Variants in RBM33 observed in about 807,000 individuals in gnomAD.
RBM33 encodes RNA-binding protein 33.
RBM33 carries 28 observed loss-of-function variants against 132.6 expected under a neutral mutation model. That is an observed-to-expected ratio of 0.21 (90% CI 0.16 to 0.29). The LOEUF is 0.29. Ranked by LOEUF, RBM33 falls within the 10% of genes least tolerant of loss-of-function variation. The pLI is 1.00. For missense variants in RBM33, 1,291 were observed against 1,518.5 expected, an observed-to-expected ratio of 0.85 and a Z score of 2.49; for synonymous variants, 634 against 593.0, an observed-to-expected ratio of 1.07 and a Z score of -1.01.
At position 155,766,497 on chromosome 7, in the gene RBM33, G is replaced by T; in HGVS notation, c.3217G>T (p.Ala1073Ser). ...CATGCACGGACGAGGCAGAGGAGTG[G>T]CCGGTCCCATGGGCCGGGGGCGCCT... ...AIMHGRGRGVAGPMGRGRLMP... is the reference protein window; with the variant it reads ...AIMHGRGRGVSGPMGRGRLMP... Residue 1073 changes from alanine (A) to serine (S), a missense_variant, in exon 16 of 18, where the codon GCC becomes TCC. Physicochemically the swap from Ala to Ser is moderately conservative, Grantham distance 99. This residue lies in a region of RBM33 where 841 missense variants were observed against 912.0 expected (regional missense o/e 0.92). Transcript: ENST00000401878. The T allele has an allele frequency of 6.2e-7, 1 of 1,613,732 alleles. No homozygotes were observed. Among genetic ancestry groups the T allele is most frequent in the Non-Finnish European group, 8.5e-7 (1 of 1,179,846 alleles).
intron 2 of RBM33, among the ~76,000 whole-genome samples, chr7:155,669,035 G>C (rs1798874440): frequency 6.6e-6 from 1 of 152,128 alleles, no homozygotes; most frequent in Admixed American, 6.5e-5. Flanking sequence ...TATTGTTTGT[G>C]AACGAGCTCT....
intron 1 of RBM33, among the ~76,000 whole-genome samples, chr7:155,652,422 T>C (rs987646749): frequency 3.3e-5 from 5 of 152,234 alleles, no homozygotes; most frequent in Non-Finnish European, 7.3e-5. Context: ...TGGCAGGCCC[T>C]ACTTGGCCCA....
chr7:155,700,681 T>A, intron 5 of RBM33, 92 bp from the exon 6 acceptor site: 1 of 945,892 alleles, frequency 1.1e-6, no homozygotes, highest in South Asian at 1.8e-5. Context: ...ATCTGAAATA[T>A]AAACAATTAA....
chr7:155,710,967 G>A (rs115464143), intron 7 of RBM33, among the ~76,000 whole-genome samples: 18 of 150,550 alleles, frequency 1.2e-4, no homozygotes, highest in Middle Eastern at 3.4e-3. Flanking sequence ...TCCCTCTTGC[G>A]TGGGGATTGA....
At position 155,739,879 on chromosome 7, in the gene RBM33, GCACCACCACCACCAC is replaced by G. The variant is rs754177553; in HGVS notation, c.1910_1924del (p.His637_His641del). On this transcript the variant is annotated inframe_deletion, in exon 12 of 18. Transcript: ENST00000401878. The stretch of plus-strand genomic sequence containing the variant: ...CACCACAGCACCCGCCGCAGCACCA[GCACCACCACCACCAC>G]CACCACCTGTCCGTCCCGCCCCCTC... 7.4e-7 allele frequency: 1 copy of G among 1,359,624 alleles called. No individual in the cohort carries two copies. Among genetic ancestry groups the G allele is most frequent in the Non-Finnish European group, 9.8e-7 (1 of 1,024,690 alleles). 84.2% of individuals were successfully genotyped at this position (1,359,624 alleles called of 1,614,324 possible). A position where few individuals can be genotyped will look rare whatever the true frequency, so the allele number is the denominator to read the frequency against.
At position 155,677,090 on chromosome 7, in the gene RBM33, G is replaced by C. The variant is rs146796064; in HGVS notation, c.172-1518G>C. On this transcript the variant is annotated intron_variant, in intron 3 of 17. Transcript: ENST00000401878. The stretch of plus-strand genomic sequence containing the variant: ...ATTTACTGAGTTGGACAGCCAAACT[G>C]AGGTTTGTCTGTGGTAGGCCTGGCT... 2.0e-3 allele frequency among the ~76,000 whole-genome samples: 302 copies of C among 152,250 alleles called. 1 individual carries two copies. Among genetic ancestry groups the C allele is most frequent in the African/African-American group, 7.1e-3 (293 of 41,548 alleles).
intron 3 of RBM33, among the ~76,000 whole-genome samples, chr7:155,677,604 A>G (rs1424416374): frequency 6.6e-6 from 1 of 152,110 alleles, no homozygotes; most frequent in African/African-American, 2.4e-5. Context: ...ATCCTGTGTT[A>G]TTTTATTTTT....
At chr7:155,691,187 A>T (rs952678231) in intron 5 of RBM33, among the ~76,000 whole-genome samples, 1 of 151,978 alleles carries the variant, frequency 6.6e-6, no homozygotes, top group Non-Finnish European at 1.5e-5. Flanking sequence ...TTTTTTCTCT[A>T]AACTTCTCTT....
At chr7:155,708,253 G>C (rs950584728) in intron 7 of RBM33, among the ~76,000 whole-genome samples, 1 of 152,218 alleles carries the variant, frequency 6.6e-6, no homozygotes, top group African/African-American at 2.4e-5. Flanking sequence ...TTGATGATAC[G>C]AGGAACTGCT....
intron 2 of RBM33, among the ~76,000 whole-genome samples, chr7:155,667,799 T>A (rs989597021): frequency 2.6e-5 from 4 of 152,170 alleles, no homozygotes; most frequent in East Asian, 1.9e-4. Flanking sequence ...GTAATTTTTT[T>A]AAATAGCTAT....
intron 5 of RBM33, among the ~76,000 whole-genome samples, chr7:155,697,745 C>T (rs1383127711): frequency 6.6e-6 from 1 of 152,066 alleles, no homozygotes; most frequent in Non-Finnish European, 1.5e-5. Context: ...GAGTATTTTT[C>T]CCTCTTTGCT....
rs7777367 is a variant in RBM33, at chr7:155,665,320, G to A, written c.122+67G>A. 4.8e-3 allele frequency: 6,895 copies of A among 1,432,412 alleles called. 264 individuals are homozygous for A. The African/African-American group carries it at 0.084, about 17-fold the overall frequency. 88.7% of individuals were successfully genotyped at this position (1,432,412 alleles called of 1,614,324 possible). A position where few individuals can be genotyped will look rare whatever the true frequency, so the allele number is the denominator to read the frequency against. On this transcript the variant is annotated intron_variant, in intron 2 of 17. Coordinates refer to ENST00000401878, the MANE Select transcript of RBM33 (RefSeq NM_053043.3). The stretch of plus-strand genomic sequence containing the variant: ...TCTCTCATTCTGACACTTGGCTCCT[G>A]AGGGATCTTTACTGAACGCAGCACC...
chr7:155,753,275 C>T (rs1050910209), intron 14 of RBM33, among the ~76,000 whole-genome samples: 3 of 152,208 alleles, frequency 2.0e-5, no homozygotes, highest in Non-Finnish European at 4.4e-5. Context: ...TCCTGAAAGT[C>T]CTCCTTTCTA....
chr7:155,770,114 G>A (rs17837573), intron 16 of RBM33, among the ~76,000 whole-genome samples: 3,347 of 152,278 alleles, frequency 0.022, 130 homozygotes, highest in African/African-American at 0.076. Context: ...AAGGAGCAAC[G>A]CGCCCGGGAT....
At chr7:155,661,894 A>G (rs1208222981) in intron 1 of RBM33, among the ~76,000 whole-genome samples, 1 of 152,094 alleles carries the variant, frequency 6.6e-6, no homozygotes, top group African/African-American at 2.4e-5. Context: ...TCGTTGGATT[A>G]TAGGTTATAT....
At chr7:155,744,640 G>A (rs1801454832) in intron 13 of RBM33, among the ~76,000 whole-genome samples, 1 of 152,228 alleles carries the variant, frequency 6.6e-6, no homozygotes, top group South Asian at 2.1e-4. Context: ...CCTCCCTACT[G>A]CTGCCATTCC....
intron 8 of RBM33, among the ~76,000 whole-genome samples, chr7:155,713,562 C>A (rs1205794215): frequency 6.6e-6 from 1 of 152,076 alleles, no homozygotes; most frequent in South Asian, 2.1e-4. Flanking sequence ...AAGCAGGTGG[C>A]CACGGGCTGG....
intron 5 of RBM33, chr7:155,685,052 G>C: frequency 6.5e-7 from 1 of 1,548,744 alleles, no homozygotes; most frequent in Non-Finnish European, 8.7e-7. Context: ...CAACTGAAGA[G>C]GTATTTGTTC....
intron 1 of RBM33, among the ~76,000 whole-genome samples, chr7:155,657,092 T>C (rs1259793364): frequency 2.0e-5 from 3 of 152,184 alleles, no homozygotes; most frequent in African/African-American, 4.8e-5. Context: ...TATTTTTTGC[T>C]TATCTTGCAT....
Sources: allele counts gnomAD v4.1 joint callset (sites outside exome capture counted in the v4.1 genomes callset), GRCh38; gene constraint gnomAD v4.1.1; regional missense constraint gnomAD v4.1.1; transcripts MANE v1.5; gene names NCBI Gene and HGNC (gene_info 2026-07-23, HGNC 2026-07-21).